Variants in ATAD2B observed in about 807,000 individuals in gnomAD.
ATAD2B encodes ATPase family AAA domain containing 2B.
In ATAD2B, 40 loss-of-function variants were observed where a neutral mutation model predicts 167.6. That is an observed-to-expected ratio of 0.24 (90% CI 0.19 to 0.31). ATAD2B has a LOEUF of 0.31. Among genes scored for constraint, ATAD2B ranks in the 10% least tolerant of loss-of-function variants. The pLI is 1.00. For synonymous variants in ATAD2B, 579 were observed against 596.5 expected (o/e 0.97, Z 0.43); for missense variants, 1,242 against 1,757.2 (o/e 0.71, Z 5.24).
the ATAD2B span, among the ~76,000 whole-genome samples, chr2:23,720,360 G>A: frequency 5.9e-5 from 9 of 152,020 alleles, no homozygotes. Flanking sequence ...GATCAGTTGA[G>A]GTCAGGAGTT....
intron 2 of ATAD2B, among the ~76,000 whole-genome samples, chr2:23,890,936 C>T (rs558017736): frequency 6.6e-6 from 1 of 151,982 alleles, no homozygotes; most frequent in South Asian, 2.1e-4. Context: ...AGATTATTGT[C>T]ATCATCATCT....
chr2:23,906,808 T>C (rs1052307740), intron 1 of ATAD2B, among the ~76,000 whole-genome samples: 10 of 151,910 alleles, frequency 6.6e-5, no homozygotes, highest in Non-Finnish European at 2.9e-5. Context: ...CAAGGCTGGT[T>C]CAATACACGC....
At chr2:23,708,705 A>ACTT in the ATAD2B span, 1 of 152,152 alleles carries the variant, frequency 6.6e-6, no homozygotes, top group African/African-American at 2.4e-5. Flanking sequence ...TCTCTTATAG[A>ACTT]CTTTAGTGCA....
intron 1 of ATAD2B, among the ~76,000 whole-genome samples, chr2:23,908,198 C>T (rs1039567723): frequency 2.0e-5 from 3 of 151,978 alleles, no homozygotes; most frequent in African/African-American, 7.2e-5. Context: ...TCAGAGTGAA[C>T]AGGCAACCTA....
intron 8 of ATAD2B, among the ~76,000 whole-genome samples, chr2:23,870,199 T>C (rs1348389042): frequency 1.6e-5 from 2 of 124,604 alleles, no homozygotes; most frequent in Non-Finnish European, 3.4e-5. Context: ...AGAGCAAGAC[T>C]CCTTCTCGGA....
chr2:23,804,846 A>C (rs1166402976), intron 18 of ATAD2B, among the ~76,000 whole-genome samples: 1 of 152,136 alleles, frequency 6.6e-6, no homozygotes, highest in Non-Finnish European at 1.5e-5. Flanking sequence ...TCACTTTGAA[A>C]ATATTTCTCT....
intron 18 of ATAD2B, among the ~76,000 whole-genome samples, chr2:23,799,585 A>G (rs949741826): frequency 2.7e-5 from 4 of 146,958 alleles, no homozygotes; most frequent in Middle Eastern, 3.4e-3. Flanking sequence ...AAAAAAAAAA[A>G]AAAAGAAAAG....
Position 23,750,622 on chromosome 2 carries a change from C to T in ATAD2B, c.*1424G>A, listed in dbSNP as rs1379853042. The T allele has an allele frequency of 6.6e-6, 1 of 152,110 alleles. No individual in the cohort carries two copies. Among genetic ancestry groups the T allele is most frequent in the African/African-American group, 2.4e-5 (1 of 41,424 alleles). The allele number at this position is 152,110 out of a possible 1,614,324, so 9.4% of individuals were successfully genotyped here. The stretch of plus-strand genomic sequence containing the variant: ...ATGTGTTGCATATATTGGAAAGACA[C>T]ACCTGCAGCTAACGGCTACAATGAA... On this transcript the variant is annotated 3_prime_UTR_variant, in exon 28 of 28. Coordinates refer to ENST00000238789, the MANE Select transcript of ATAD2B (RefSeq NM_017552.4).
intron 19 of ATAD2B, among the ~76,000 whole-genome samples, chr2:23,792,046 T>C (rs958489713): frequency 6.6e-6 from 1 of 151,186 alleles, no homozygotes; most frequent in African/African-American, 2.4e-5. Context: ...TTAATTTCTG[T>C]TTTTTTTTAA....
rs546616585 is a variant in ATAD2B, at chr2:23,872,636, G to A, written c.978-2875C>T. On this transcript the variant is annotated intron_variant, in intron 8 of 27. Coordinates refer to ENST00000238789, the MANE Select transcript of ATAD2B (RefSeq NM_017552.4). ...GTAGAAAGGATGGTCAGGCTCCATC[G>A]GAGGTGGTGGAACATCATAGGAGAG... The A allele has an allele frequency of 2.4e-4, 328 of 1,343,976 alleles. 5 individuals are homozygous for A. The South Asian group carries it at 3.5e-3, about 15-fold the overall frequency. 83.3% of individuals were successfully genotyped at this position (1,343,976 alleles called of 1,614,324 possible).
Position 23,772,857 on chromosome 2 carries a change from G to A in ATAD2B, c.3134-7229C>T, listed in dbSNP as rs148842707. 1.8e-4 allele frequency among the ~76,000 whole-genome samples: 27 copies of A among 152,144 alleles called. No individual in the cohort carries two copies. In the East Asian group the frequency reaches 4.9e-3, roughly 27 times the overall value. Reference sequence around the variant, plus strand: ...ACAGTCCTCTCTGCCTCAGTGCCCCGAGCAGCTATTAATAGGACCACAAGC... The same window carrying A: ...ACAGTCCTCTCTGCCTCAGTGCCCCAAGCAGCTATTAATAGGACCACAAGC... On this transcript the variant is annotated intron_variant, in intron 22 of 27. Coordinates refer to ENST00000238789, the MANE Select transcript of ATAD2B (RefSeq NM_017552.4).
chr2:23,808,206 A>AATATAT (rs1285507303), intron 18 of ATAD2B, among the ~76,000 whole-genome samples: 1 of 129,972 alleles, frequency 7.7e-6, no homozygotes, highest in South Asian at 2.2e-4. Flanking sequence ...TTTATATAAA[A>AATATAT]ATATATATAT....
chr2:23,849,840 C>A (rs1160806892), intron 13 of ATAD2B, among the ~76,000 whole-genome samples: 1 of 150,894 alleles, frequency 6.6e-6, no homozygotes, highest in East Asian at 2.0e-4. Context: ...AAAATAAAAC[C>A]CCACAAAAGA....
At chr2:23,690,024 G>C in the ATAD2B span, 18 of 152,410 alleles carry the variant, frequency 1.2e-4, no homozygotes, top group African/African-American at 4.1e-4. Context: ...TTGGGGTCCT[G>C]GTGGGATGAG....
chr2:23,888,243 C>T, intron 3 of ATAD2B, 107 bp downstream of exon 3: 1 of 817,558 alleles, frequency 1.2e-6, no homozygotes, highest in East Asian at 2.9e-5. Flanking sequence ...CCATTTCCAA[C>T]TGTATGCTCA....
chr2:23,906,905 C>T (rs1273776569), intron 1 of ATAD2B, among the ~76,000 whole-genome samples: 7 of 151,244 alleles, frequency 4.6e-5, no homozygotes, highest in Non-Finnish European at 8.8e-5. Context: ...AGGCCTTTGA[C>T]AAAATTCAAC....
chr2:23,884,997 C>T (rs1698469311), intron 5 of ATAD2B, 124 bp from the exon 6 acceptor site: 4 of 433,738 alleles, frequency 9.2e-6, no homozygotes, highest in Middle Eastern at 3.5e-4. Context: ...GCCATAGATT[C>T]GTGAAAATGG....
intron 25 of ATAD2B, among the ~76,000 whole-genome samples, chr2:23,755,955 A>C (rs561212400): frequency 9.9e-5 from 15 of 152,166 alleles, no homozygotes; most frequent in Non-Finnish European, 1.6e-4. Context: ...TGTCCTGATA[A>C]TTCCAAATGA....
At chr2:23,884,722 T>C (rs1573244820) in intron 6 of ATAD2B, 43 bp downstream of exon 6, 1 of 1,190,008 alleles carries the variant, frequency 8.4e-7, no homozygotes, top group Admixed American at 2.7e-5. Flanking sequence ...TTTTCTTCCC[T>C]CCCACCTGAA....
Sources: gnomAD v4.1 joint callset for allele counts (sites outside exome capture counted in the v4.1 genomes callset) on GRCh38, gnomAD v4.1.1 for gene constraint, MANE v1.5 for transcripts, NCBI Gene and HGNC (gene_info 2026-07-23, HGNC 2026-07-21) for gene names.